The following TRPM1 variants were observed in gnomAD, a reference collection of about 807,000 sequenced individuals.
TRPM1 encodes TRPM1-203 APA Isoform, Intron 10.
Under a neutral mutation model 149.4 loss-of-function variants are expected in TRPM1, and 113 were observed. That is an observed-to-expected ratio of 0.76 (90% confidence interval 0.65 to 0.88). The LOEUF (loss-of-function observed/expected upper bound fraction) is 0.88. TRPM1 is among the 40% of genes least tolerant of loss of function. The pLI is 0.00. For synonymous variants in TRPM1, 741 were observed against 759.5 expected, an observed-to-expected ratio of 0.98 and a Z score of 0.40; for missense variants, 1,976 against 2,038.7, an observed-to-expected ratio of 0.97 and a Z score of 0.59.
At chr15:31,108,531 T>C (rs1409773450) in intron 1 of TRPM1, among the ~76,000 whole-genome samples, 2 of 152,224 alleles carry the variant, frequency 1.3e-5, no homozygotes, top group African/African-American at 4.8e-5. Flanking sequence ...TTTGCTCTTG[T>C]TGCCCAGGCT....
chr15:31,117,071 T>C (rs774883337), intron 1 of TRPM1, among the ~76,000 whole-genome samples: 5 of 152,184 alleles, frequency 3.3e-5, no homozygotes, highest in African/African-American at 4.8e-5. Context: ...GGGTTCTGGC[T>C]GGGTGCGGTG....
At chr15:31,098,613 A>G (rs942637226) in intron 1 of TRPM1, among the ~76,000 whole-genome samples, 3 of 152,174 alleles carry the variant, frequency 2.0e-5, no homozygotes, top group Non-Finnish European at 4.4e-5. Flanking sequence ...CACTGTGGCC[A>G]TGATTCCCGA....
chr15:31,124,283 T>TATAAATAA (rs199961402), intron 1 of TRPM1, among the ~76,000 whole-genome samples: 4,139 of 151,526 alleles, frequency 0.027, 189 homozygotes, highest in African/African-American at 0.095. Flanking sequence ...AGACTCCGTC[T>TATAAATAA]ATAAATAAAT....
At chr15:31,113,756 C>T (rs905281785) in intron 1 of TRPM1, among the ~76,000 whole-genome samples, 2 of 152,184 alleles carry the variant, frequency 1.3e-5, no homozygotes, top group East Asian at 1.9e-4. Flanking sequence ...GCATGCGGAC[C>T]TTCCCGGTGA....
intron 1 of TRPM1, among the ~76,000 whole-genome samples, chr15:31,152,626 C>G (rs547242068): frequency 6.6e-6 from 1 of 152,126 alleles, no homozygotes; most frequent in African/African-American, 2.4e-5. Flanking sequence ...CACAACTGAC[C>G]AGCATTGACA....
At chr15:31,158,043 C>T (rs2036399745) in intron 1 of TRPM1, among the ~76,000 whole-genome samples, 1 of 152,126 alleles carries the variant, frequency 6.6e-6, no homozygotes, top group Non-Finnish European at 1.5e-5. Flanking sequence ...CATGTGATTT[C>T]ACGGCTGTTT....
intron 11 of TRPM1, among the ~76,000 whole-genome samples, chr15:31,051,857 G>A (rs917384521): frequency 3.9e-5 from 6 of 152,056 alleles, no homozygotes; most frequent in African/African-American, 7.2e-5. Flanking sequence ...CCTACCCTCC[G>A]ACCCAGTCCT....
chr15:31,042,991 C>T (rs2033666222), intron 16 of TRPM1, among the ~76,000 whole-genome samples: 1 of 152,170 alleles, frequency 6.6e-6, no homozygotes, highest in Non-Finnish European at 1.5e-5. Flanking sequence ...ACAGCGTTCC[C>T]ATCAGTTATC....
At chr15:31,065,533 C>T (rs1004651242) in intron 7 of TRPM1, among the ~76,000 whole-genome samples, 1 of 152,138 alleles carries the variant, frequency 6.6e-6, no homozygotes, top group Non-Finnish European at 1.5e-5. Flanking sequence ...CTCTCTAGTT[C>T]GACCTCAGCT....
At chr15:31,096,876 C>T (rs939732669) in intron 1 of TRPM1, among the ~76,000 whole-genome samples, 3 of 152,180 alleles carry the variant, frequency 2.0e-5, no homozygotes, top group African/African-American at 7.2e-5. Flanking sequence ...CCTCCTGGCC[C>T]TCAGGGACTG....
chr15:31,081,948 G>A (rs2034869771), intron 1 of TRPM1, among the ~76,000 whole-genome samples: 1 of 152,136 alleles, frequency 6.6e-6, no homozygotes. Context: ...AAAGGCAATG[G>A]GTGGAGGCCC....
chr15:31,031,217 C>G, intron 22 of TRPM1, 60 bp from the exon 23 acceptor site: 1 of 1,587,410 alleles, frequency 6.3e-7, no homozygotes, highest in Non-Finnish European at 8.6e-7. Flanking sequence ...TTCACCCTGG[C>G]TCATTATATT....
intron 1 of TRPM1, among the ~76,000 whole-genome samples, chr15:31,088,838 C>T (rs138339963): frequency 0.01 from 1,514 of 149,712 alleles, 13 homozygotes; most frequent in Non-Finnish European, 0.015. Context: ...TGTACCGGGG[C>T]GATGCGATAA....
intron 1 of TRPM1, among the ~76,000 whole-genome samples, chr15:31,114,394 C>A (rs2035770103): frequency 6.6e-6 from 1 of 152,044 alleles, no homozygotes; most frequent in South Asian, 2.1e-4. Flanking sequence ...GTATATGTAC[C>A]ACATGTTTTA....
intron 1 of TRPM1, among the ~76,000 whole-genome samples, chr15:31,140,486 C>CT (rs1348461638): frequency 6.6e-6 from 1 of 152,196 alleles, no homozygotes; most frequent in Non-Finnish European, 1.5e-5. Flanking sequence ...TCATGAATGC[C>CT]TTTCCCCCGC....
Position 31,061,475 on chromosome 15 carries a change from T to A in TRPM1, c.1129A>T (p.Ile377Phe). 6.2e-7 allele frequency: 1 copy of A among 1,614,192 alleles called. No individual in the cohort carries two copies. The highest frequency in any genetic ancestry group is 1.1e-5 in the South Asian group (1 of 91,076). Residue 377 changes from isoleucine to phenylalanine, a missense_variant, in exon 10 of 28, where the codon ATC becomes TTC. Ile to Phe is a conservative substitution (Grantham distance 21). Transcript: ENST00000256552. Reference sequence around the variant, plus strand: ...AGGGCAGTTAAAATTGCCATCTCGATGTCCTGCTGGCCCTCAGAACCCATT... The same window carrying A: ...AGGGCAGTTAAAATTGCCATCTCGAAGTCCTGCTGGCCCTCAGAACCCATT... ...FRMGSEGQQD[I>F]EMAILTALLK...
intron 1 of TRPM1, among the ~76,000 whole-genome samples, chr15:31,136,124 G>A (rs952917246): frequency 6.6e-6 from 1 of 152,048 alleles, no homozygotes; most frequent in Admixed American, 6.5e-5. Flanking sequence ...TGGTCATGTT[G>A]GCCATCTCCT....
At position 31,038,057 on chromosome 15, in the gene TRPM1, T is replaced by C. The variant is rs1040986665; in HGVS notation, c.2426A>G (p.Glu809Gly). The C allele has an allele frequency of 1.9e-6, 3 of 1,614,208 alleles. No individual in the cohort carries two copies. The highest frequency in any genetic ancestry group is 2.5e-6 in the Non-Finnish European group (3 of 1,180,024). ...TGTGTCACTGACCGTATTTTCCTCT[T>C]CTTTTTCTTTGCCATCCTCATTTTC... The part of the protein sequence containing the change: ...SKENEDGKEK[E>G]EENTDANADA... Residue 809 changes from glutamate (E) to glycine (G), a missense_variant, in exon 19 of 28, where the codon GAA (glutamate) becomes GGA (glycine). Around this residue, in one of 3 missense-constraint regions of TRPM1, gnomAD observed 1,332 missense variants for 1,347.1 expected, o/e 0.99. Coordinates refer to ENST00000256552, the MANE Select transcript of TRPM1 (RefSeq NM_001252024.2).
intron 1 of TRPM1, among the ~76,000 whole-genome samples, chr15:31,159,181 T>C (rs768177671): frequency 4.4e-4 from 67 of 151,696 alleles, no homozygotes; most frequent in Non-Finnish European, 8.7e-4. Context: ...ATAAAGGAGG[T>C]GCTGTTTTTC....
Sources: allele counts gnomAD v4.1 joint callset (sites outside exome capture counted in the v4.1 genomes callset), GRCh38; gene constraint gnomAD v4.1.1; regional missense constraint gnomAD v4.1.1; transcripts MANE v1.5; gene names NCBI Gene and HGNC (gene_info 2026-07-23, HGNC 2026-07-21).